LRRC58: variants seen among roughly 807,000 people sequenced by gnomAD.
The protein encoded by LRRC58 is leucine-rich repeat-containing protein 58.
LRRC58 carries 18 observed loss-of-function variants against 30.6 expected under a neutral mutation model. That is an observed-to-expected ratio of 0.59 (90% CI 0.41 to 0.87). The LOEUF is 0.87. Ranked by LOEUF, LRRC58 falls within the 40% of genes least tolerant of loss-of-function variation. The pLI is 0.00. For missense variants in LRRC58, 420 were observed against 468.4 expected, an observed-to-expected ratio of 0.90 and a Z score of 0.95; for synonymous variants, 221 against 206.0, an observed-to-expected ratio of 1.07 and a Z score of -0.62.
intron 3 of LRRC58, among the ~76,000 whole-genome samples, chr3:120,334,279 CG>C: frequency 6.6e-6 from 1 of 152,008 alleles, no homozygotes; most frequent in East Asian, 1.9e-4. Flanking sequence ...CCGAGGTGGG[CG>C]GATCACAAGG....
At chr3:120,347,379 C>CTGTTTTTTTTTTTTTTTTTTTTTTTTTTT (rs1935982439) in intron 1 of LRRC58, among the ~76,000 whole-genome samples, 1 of 54,828 alleles carries the variant, frequency 1.8e-5, no homozygotes, top group Non-Finnish European at 3.5e-5. Context: ...GGCCAATATT[C>CTGTTTTTTTTTTTTTTTTTTTTTTTTTTT]TTTTTTTTTT....
At chr3:120,337,778 T>G (rs1318485214) in intron 1 of LRRC58, among the ~76,000 whole-genome samples, 1 of 152,198 alleles carries the variant, frequency 6.6e-6, no homozygotes, top group East Asian at 1.9e-4. Flanking sequence ...TACAGATACA[T>G]TCAAGCTCAT....
Position 120,348,874 on chromosome 3 carries a change from C to G in LRRC58, c.370G>C (p.Val124Leu), listed in dbSNP as rs771440263. ...AAACAGTTGCCGCTGAGGTTGAGCA[C>G]CTGGAGGCTGCGGCAGAGCGGCGAC... ...AQSPLCRSLQ[V>L]LNLSGNCFQE... The change falls in exon 1 of 4, where the codon GTG (valine) becomes CTG (leucine). Residue 124 changes from valine (V) to leucine (L), a missense_variant. Val to Leu is a conservative substitution (Grantham distance 32, BLOSUM62 1). Coordinates refer to ENST00000295628, the MANE Select transcript of LRRC58 (RefSeq NM_001099678.2). 6.9e-6 allele frequency: 11 copies of G among 1,596,416 alleles called. No individual in the cohort carries two copies. Among genetic ancestry groups the G allele is most frequent in the Non-Finnish European group, 9.4e-6 (11 of 1,172,772 alleles).
At chr3:120,332,178 A>T (rs1248487613) in intron 3 of LRRC58, among the ~76,000 whole-genome samples, 1 of 152,192 alleles carries the variant, frequency 6.6e-6, no homozygotes, top group Non-Finnish European at 1.5e-5. Context: ...GACTGTCACA[A>T]TGGTTGCAGT....
Position 120,348,869 on chromosome 3 carries a change from G to T in LRRC58, c.375C>A (p.Leu125=). Residue 125 remains leucine, a synonymous_variant, in exon 1 of 4, where the codon CTC becomes CTA. Coordinates refer to ENST00000295628, the MANE Select transcript of LRRC58 (RefSeq NM_001099678.2). ...QSPLCRSLQV[L]NLSGNCFQEV... is the part of the protein sequence containing the mutation. ...CCTGGAAACAGTTGCCGCTGAGGTTGAGCACCTGGAGGCTGCGGCAGAGCG... is the reference window on the plus strand; with the variant it reads ...CCTGGAAACAGTTGCCGCTGAGGTTTAGCACCTGGAGGCTGCGGCAGAGCG... 1 of 1,598,014 alleles carries T rather than the reference G, an allele frequency of 6.3e-7. No individual in the cohort carries two copies.
At position 120,329,262 on chromosome 3, in the gene LRRC58, T is replaced by G. The variant is rs1366854979; in HGVS notation, c.*1938A>C. Reference sequence around the variant, plus strand: ...TAAGTCACTTATTTACAAAACATTTTACATTTGTCACTTAGGCACAGCCTA... The same window carrying G: ...TAAGTCACTTATTTACAAAACATTTGACATTTGTCACTTAGGCACAGCCTA... On this transcript the variant is annotated 3_prime_UTR_variant, in exon 4 of 4. Transcript: ENST00000295628. The G allele has an allele frequency of 1.3e-5, 2 of 152,134 alleles. No homozygotes were observed. Among genetic ancestry groups the G allele is most frequent in the African/African-American group, 4.8e-5 (2 of 41,442 alleles). The allele number at this position is 152,134 out of a possible 1,614,324, so 9.4% of individuals were successfully genotyped here.
In LRRC58 at chr3:120,329,487, A is replaced by G. The variant is rs1179257098; in HGVS notation, c.*1713T>C. On this transcript the variant is annotated 3_prime_UTR_variant, in exon 4 of 4. Coordinates refer to ENST00000295628, the MANE Select transcript of LRRC58 (RefSeq NM_001099678.2). ...GGAAAACAAAATCTTACTACATTAT[A>G]ACAAGGTAAAGGTGAAGGGATTCAT... The G allele has an allele frequency of 6.6e-6, 1 of 152,092 alleles. No homozygotes were observed. 9.4% of individuals were successfully genotyped at this position (152,092 alleles called of 1,614,324 possible). A position where few individuals can be genotyped will look rare whatever the true frequency, so the allele number is the denominator to read the frequency against.
rs1196766088 is a variant in LRRC58, at chr3:120,327,954, CCA to C, written c.*3244_*3245del. Reference sequence around the variant, plus strand: ...TAAAGATGAGGTTTCACCATGTTGGCCAGGCTGGTCTCAAATTCCTGACTGCA... The same window carrying C: ...TAAAGATGAGGTTTCACCATGTTGGCGGCTGGTCTCAAATTCCTGACTGCA... On this transcript the variant is annotated 3_prime_UTR_variant, in exon 4 of 4. Coordinates refer to ENST00000295628, the MANE Select transcript of LRRC58 (RefSeq NM_001099678.2). The C allele has an allele frequency of 6.6e-6, 1 of 152,116 alleles. No individual in the cohort carries two copies. The highest frequency in any genetic ancestry group is 1.5e-5 in the Non-Finnish European group (1 of 68,054). The allele number at this position is 152,116 out of a possible 1,614,324, so 9.4% of individuals were successfully genotyped here.
chr3:120,348,801 A>C lies in LRRC58; in HGVS notation c.443T>G (p.Leu148Arg). ...CTGCAGTTGGTTGCCGCCCAGGCTC[A>C]GGGTCTGCAGCGCGCGCAGCTCTAA... ...SLLELRALQT[L>R]SLGGNQLQSI... The change falls in exon 1 of 4, where the codon CTG (leucine) becomes CGG (arginine). Residue 148 changes from leucine to arginine, a missense_variant. Physicochemically the swap from Leu to Arg is moderately radical, Grantham distance 102. Around this residue, in one of 2 missense-constraint regions of LRRC58, gnomAD observed 266 missense variants for 251.7 expected, o/e 1.06. Coordinates refer to ENST00000295628, the MANE Select transcript of LRRC58 (RefSeq NM_001099678.2). The C allele has an allele frequency of 6.2e-7, 1 of 1,606,818 alleles. No individual in the cohort carries two copies. Among genetic ancestry groups the C allele is most frequent in the Non-Finnish European group, 8.5e-7 (1 of 1,177,474 alleles).
rs1455722015 is a variant in LRRC58 at position 120,328,180 on chromosome 3, A to ACTGAGGACCGTAGC, written c.*3006_*3019dup. 2 of 152,200 alleles carry ACTGAGGACCGTAGC rather than the reference A, an allele frequency of 1.3e-5. No individual in the cohort carries two copies. The highest frequency in any genetic ancestry group is 4.8e-5 in the African/African-American group (2 of 41,442). The allele number at this position is 152,200 out of a possible 1,614,324, so 9.4% of individuals were successfully genotyped here. ...ACCTCCACTACTCAAATACTAGAATACTGAGGACCGTAGCCTGAGGACCAT... is the reference window on the plus strand; with the variant it reads ...ACCTCCACTACTCAAATACTAGAATACTGAGGACCGTAGCCTGAGGACCGTAGCCTGAGGACCAT... On this transcript the variant is annotated 3_prime_UTR_variant, in exon 4 of 4. Transcript: ENST00000295628.
In LRRC58 at chr3:120,346,868, G is replaced by A. The variant is rs115406405; in HGVS notation, c.500+1876C>T. ...TCACTCCATTCTTGCATAGCAACAA[G>A]ACACATGCTTAAAACTCTCTCATGT... On this transcript the variant is annotated intron_variant, in intron 1 of 3. Coordinates refer to ENST00000295628, the MANE Select transcript of LRRC58 (RefSeq NM_001099678.2). Among the ~76,000 whole-genome samples, 1,290 of 152,208 alleles carry A rather than the reference G, an allele frequency of 8.5e-3. 17 individuals are homozygous for A. Among genetic ancestry groups the A allele is most frequent in the African/African-American group, 0.03 (1,226 of 41,534 alleles).
chr3:120,337,776 C>T (rs1320265400), intron 1 of LRRC58, among the ~76,000 whole-genome samples: 10 of 152,096 alleles, frequency 6.6e-5, no homozygotes, highest in Non-Finnish European at 1.5e-4. Flanking sequence ...ACTACAGATA[C>T]ATTCAAGCTC....
chr3:120,342,936 G>A (rs1935922153), intron 1 of LRRC58, among the ~76,000 whole-genome samples: 2 of 152,190 alleles, frequency 1.3e-5, no homozygotes, highest in East Asian at 1.9e-4. Context: ...TTGTTTATAA[G>A]TCACTCAGTT....
chr3:120,338,463 C>A (rs1428542533), intron 1 of LRRC58, among the ~76,000 whole-genome samples: 2 of 152,044 alleles, frequency 1.3e-5, no homozygotes, highest in African/African-American at 2.4e-5. Flanking sequence ...AGAAGACAGA[C>A]AATAAATCAA....
At position 120,349,332 on chromosome 3, in the gene LRRC58, G is replaced by C; in HGVS notation, c.-89C>G. ...GGAGCTCTGCGGCGCCCCGGAACCT[G>C]AACCGAGGGCTGAGTCGGAAGTGGC... On this transcript the variant is annotated 5_prime_UTR_variant, in exon 1 of 4. Transcript: ENST00000295628. 1 of 1,274,580 alleles carries C rather than the reference G, an allele frequency of 7.8e-7. No individual in the cohort carries two copies. The allele number at this position is 1,274,580 out of a possible 1,614,324, so 79.0% of individuals were successfully genotyped here. A position where few individuals can be genotyped will look rare whatever the true frequency, so the allele number is the denominator to read the frequency against.
chr3:120,332,358 A>AT (rs980429042), intron 3 of LRRC58, among the ~76,000 whole-genome samples: 1 of 152,100 alleles, frequency 6.6e-6, no homozygotes, highest in Admixed American at 6.6e-5. Context: ...TTCTACTTCT[A>AT]TTTTTTTCCT....
chr3:120,337,380 A>C (rs147020964), intron 1 of LRRC58, among the ~76,000 whole-genome samples: 2 of 152,202 alleles, frequency 1.3e-5, no homozygotes, highest in East Asian at 3.8e-4. Flanking sequence ...CTATTAGTGA[A>C]GTTTAGCATC....
Position 120,346,544 on chromosome 3 carries a change from T to C in LRRC58, c.500+2200A>G, listed in dbSNP as rs1002861405. On this transcript the variant is annotated intron_variant, in intron 1 of 3. Transcript: ENST00000295628. Reference sequence around the variant, plus strand: ...AGTTAGCACCTATGACAGGATCTACTGCATTGTAAGTATTAAATAAATGGG... The same window carrying C: ...AGTTAGCACCTATGACAGGATCTACCGCATTGTAAGTATTAAATAAATGGG... Among the ~76,000 whole-genome samples, 5 of 152,202 alleles carry C rather than the reference T, an allele frequency of 3.3e-5. No homozygotes were observed. In the South Asian group the frequency reaches 6.2e-4, roughly 19 times the overall value.
Position 120,328,182 on chromosome 3 carries a change from T to C in LRRC58, c.*3018A>G, listed in dbSNP as rs760696192. The stretch of plus-strand genomic sequence containing the variant: ...CTCCACTACTCAAATACTAGAATAC[T>C]GAGGACCGTAGCCTGAGGACCATAG... On this transcript the variant is annotated 3_prime_UTR_variant, in exon 4 of 4. Coordinates refer to ENST00000295628, the MANE Select transcript of LRRC58 (RefSeq NM_001099678.2). The C allele has an allele frequency of 6.6e-6, 1 of 152,182 alleles. No homozygotes were observed. The highest frequency in any genetic ancestry group is 1.5e-5 in the Non-Finnish European group (1 of 68,032). 9.4% of individuals were successfully genotyped at this position (152,182 alleles called of 1,614,324 possible). A position where few individuals can be genotyped will look rare whatever the true frequency, so the allele number is the denominator to read the frequency against.
Sources: allele counts gnomAD v4.1 joint callset (sites outside exome capture counted in the v4.1 genomes callset), GRCh38; gene constraint gnomAD v4.1.1; regional missense constraint gnomAD v4.1.1; transcripts MANE v1.5; gene names NCBI Gene and HGNC (gene_info 2026-07-23, HGNC 2026-07-21).